The following TMED8 variants were observed in gnomAD, a reference collection of about 807,000 sequenced individuals.
The protein encoded by TMED8 is transmembrane p24 trafficking protein family member 8, also known as protein TMED8.
TMED8 carries 15 observed loss-of-function variants against 32.7 expected under a neutral mutation model. That is an observed-to-expected ratio of 0.46 (90% CI 0.31 to 0.71). The LOEUF is 0.71. Among genes scored for constraint, TMED8 ranks in the 30% least tolerant of loss-of-function variants. The pLI is 0.06. For missense variants in TMED8, 390 were observed against 423.9 expected (o/e 0.92, Z 0.70); for synonymous variants, 147 against 161.4 (o/e 0.91, Z 0.68).
At position 77,351,670 on chromosome 14, in the gene TMED8, T is replaced by C; in HGVS notation, c.197+3A>G. ...GTGAAAGCATTCTATCCAAAGTGGT[T>C]ACCTGTGGGGTGAGGAGCAGGGTTC... is the stretch of plus-strand genomic sequence containing the variant. On this transcript the variant is annotated splice_donor_region_variant and intron_variant, in intron 2 of 5. Transcript: ENST00000216468. The C allele has an allele frequency of 6.2e-7, 1 of 1,612,020 alleles. No homozygotes were observed. The highest frequency in any genetic ancestry group is 8.5e-7 in the Non-Finnish European group (1 of 1,179,058).
At chr14:77,370,190 A>C (rs929958611) in intron 1 of TMED8, among the ~76,000 whole-genome samples, 8 of 136,946 alleles carry the variant, frequency 5.8e-5, no homozygotes, top group African/African-American at 8.5e-5. Context: ...AAAAAAAAAA[A>C]AAATTCTGCC....
intron 1 of TMED8, among the ~76,000 whole-genome samples, chr14:77,360,490 T>C (rs1004953775): frequency 1.3e-5 from 2 of 152,198 alleles, no homozygotes; most frequent in African/African-American, 2.4e-5. Context: ...TAATATAATG[T>C]CATCCAGGCT....
At chr14:77,342,435 A>ATCTTTAGCTGGC (rs111887240) in intron 5 of TMED8, among the ~76,000 whole-genome samples, 1 of 151,770 alleles carries the variant, frequency 6.6e-6, no homozygotes, top group Admixed American at 6.6e-5. Flanking sequence ...TGACCCTAGG[A>ATCTTTAGCTGGC]TTCCTGAAAA....
intron 2 of TMED8, among the ~76,000 whole-genome samples, chr14:77,351,346 C>T (rs755272483): frequency 4.0e-5 from 6 of 148,210 alleles, no homozygotes; most frequent in Non-Finnish European, 5.9e-5. Context: ...ATTAGCCAGG[C>T]GTGGTGGTGC....
At chr14:77,353,435 C>CTTTTTTTTTTT (rs1427452421) in intron 1 of TMED8, among the ~76,000 whole-genome samples, 1 of 138,824 alleles carries the variant, frequency 7.2e-6, no homozygotes, top group Non-Finnish European at 1.6e-5. Context: ...CTTTTCTTTT[C>CTTTTTTTTTTT]TTTGTTTTTT....
intron 2 of TMED8, among the ~76,000 whole-genome samples, chr14:77,347,619 G>C (rs1200062378): frequency 6.6e-6 from 1 of 152,162 alleles, no homozygotes; most frequent in Non-Finnish European, 1.5e-5. Flanking sequence ...TGGTCAGGCT[G>C]GTCTTGAACT....
intron 1 of TMED8, among the ~76,000 whole-genome samples, chr14:77,356,354 C>T (rs1273455754): frequency 6.6e-6 from 1 of 152,128 alleles, no homozygotes; most frequent in Non-Finnish European, 1.5e-5. Context: ...CCTTGCTATT[C>T]TTTATATATT....
chr14:77,348,246 C>T (rs979963570), intron 2 of TMED8, among the ~76,000 whole-genome samples: 72 of 144,762 alleles, frequency 5.0e-4, no homozygotes, highest in Middle Eastern at 3.9e-3. Flanking sequence ...TTTTTTGAGA[C>T]GGAGTCTCAC....
intron 1 of TMED8, among the ~76,000 whole-genome samples, chr14:77,352,995 T>C (rs1019938047): frequency 7.2e-5 from 11 of 152,164 alleles, no homozygotes; most frequent in African/African-American, 2.2e-4. Flanking sequence ...TCAAGGAGTA[T>C]ATAGGTGAAA....
rs765875028 is a variant in TMED8, at chr14:77,341,834, G to A, written c.915C>T (p.Phe305=). The A allele has an allele frequency of 4.3e-5, 70 of 1,613,748 alleles. No individual in the cohort carries two copies. The highest frequency in any genetic ancestry group is 5.0e-5 in the Non-Finnish European group (59 of 1,180,022). Reference sequence around the variant, plus strand: ...TGCGCAGCAGGGAGTAGGAGTTGTCGAACTTGAGCAGGTAGATGCCCTCAC... The same window carrying A: ...TGCGCAGCAGGGAGTAGGAGTTGTCAAACTTGAGCAGGTAGATGCCCTCAC... ...YPGEGIYLLK[F]DNSYSLLRNK... Residue 305 remains phenylalanine, a synonymous_variant, in exon 6 of 6, where the codon TTC becomes TTT. Transcript: ENST00000216468.
chr14:77,335,567 C>G lies in TMED8; in HGVS notation c.*6204G>C, dbSNP rs1892741966. On this transcript the variant is annotated 3_prime_UTR_variant, in exon 6 of 6. Transcript: ENST00000216468. ...GTACATGGCACCAAAGAAAGCCCTT[C>G]AGAAAATAGAAGCTAAATGACATAA... 1 of 152,224 alleles carries G rather than the reference C, an allele frequency of 6.6e-6. No individual in the cohort carries two copies. Among genetic ancestry groups the G allele is most frequent in the African/African-American group, 2.4e-5 (1 of 41,456 alleles). 9.4% of individuals were successfully genotyped at this position (152,224 alleles called of 1,614,324 possible).
In TMED8 at chr14:77,339,298, A is replaced by T. The variant is rs866668843; in HGVS notation, c.*2473T>A. The T allele has an allele frequency of 5.3e-5, 8 of 152,350 alleles. No homozygotes were observed. Among genetic ancestry groups the T allele is most frequent in the Middle Eastern group, 3.4e-3 (1 of 294 alleles). The allele number at this position is 152,350 out of a possible 1,614,324, so 9.4% of individuals were successfully genotyped here. A position where few individuals can be genotyped will look rare whatever the true frequency, so the allele number is the denominator to read the frequency against. ...GAAAAACCAGTATGAATGAAATGTAACCATGCCCAGGACTTCAAAAGTGAC... is the reference window on the plus strand; with the variant it reads ...GAAAAACCAGTATGAATGAAATGTATCCATGCCCAGGACTTCAAAAGTGAC... On this transcript the variant is annotated 3_prime_UTR_variant, in exon 6 of 6. Coordinates refer to ENST00000216468, the MANE Select transcript of TMED8 (RefSeq NM_213601.3).
At chr14:77,373,932 G>A (rs896358994) in intron 1 of TMED8, among the ~76,000 whole-genome samples, 5 of 152,190 alleles carry the variant, frequency 3.3e-5, no homozygotes, top group African/African-American at 1.2e-4. Context: ...CTCTCGCCAT[G>A]TGACATACCT....
At chr14:77,375,904 A>G (rs753203822) in intron 1 of TMED8, among the ~76,000 whole-genome samples, 5 of 152,228 alleles carry the variant, frequency 3.3e-5, no homozygotes, top group South Asian at 2.1e-4. Context: ...TATGAGGCAG[A>G]TATTTTTAGT....
At chr14:77,354,977 GTTTC>G (rs1330037530) in intron 1 of TMED8, among the ~76,000 whole-genome samples, 1 of 151,974 alleles carries the variant, frequency 6.6e-6, no homozygotes, top group African/African-American at 2.4e-5. Flanking sequence ...AAGACAAGAG[GTTTC>G]TTTATGTTGC....
intron 1 of TMED8, among the ~76,000 whole-genome samples, chr14:77,364,840 C>T (rs370429788): frequency 4.6e-5 from 7 of 152,234 alleles, no homozygotes; most frequent in Middle Eastern, 3.4e-3. Context: ...AGTGGATATC[C>T]GAGTGTAACC....
At chr14:77,344,803 T>C (rs565961078) in intron 3 of TMED8, among the ~76,000 whole-genome samples, 1 of 152,338 alleles carries the variant, frequency 6.6e-6, no homozygotes, top group East Asian at 1.9e-4. Context: ...ATAATATCTG[T>C]TTCTGGAGAA....
At chr14:77,373,262 G>C (rs1288313331) in intron 1 of TMED8, among the ~76,000 whole-genome samples, 1 of 150,580 alleles carries the variant, frequency 6.6e-6, no homozygotes, top group African/African-American at 2.4e-5. Flanking sequence ...TTCTACTGCT[G>C]ACTTCAGGAT....
chr14:77,363,307 T>C (rs1005630674), intron 1 of TMED8, among the ~76,000 whole-genome samples: 1 of 152,040 alleles, frequency 6.6e-6, no homozygotes, highest in African/African-American at 2.4e-5. Flanking sequence ...ACAGAGGGAA[T>C]TCAGGGAAAA....
Sources: gnomAD v4.1 joint callset for allele counts (sites outside exome capture counted in the v4.1 genomes callset) on GRCh38, gnomAD v4.1.1 for gene constraint, MANE v1.5 for transcripts, NCBI Gene and HGNC (gene_info 2026-07-23, HGNC 2026-07-21) for gene names.